Variants in PHIP observed in about 807,000 individuals in gnomAD.
PHIP encodes PH-interacting protein.
A neutral mutation model predicts 236.8 loss-of-function variants in PHIP; 54 were observed. That is an observed-to-expected ratio of 0.23 (90% CI 0.18 to 0.29). The LOEUF (loss-of-function observed/expected upper bound fraction) is 0.29, where lower values mean the gene tolerates loss of function less well. PHIP is among the 10% of genes least tolerant of loss of function. PHIP has a pLI of 1.00. For missense variants in PHIP, 1,370 were observed against 2,190.8 expected (o/e 0.63, Z 7.48); for synonymous variants, 756 against 718.9 (o/e 1.05, Z -0.83).
chr6:79,043,499 T>G (rs1772327256), intron 6 of PHIP, among the ~76,000 whole-genome samples: 1 of 152,134 alleles, frequency 6.6e-6, no homozygotes, highest in Non-Finnish European at 1.5e-5. Context: ...GATAAAGGAA[T>G]ACGTCATTTG....
At chr6:78,982,110 A>T (rs1037089380) in intron 23 of PHIP, among the ~76,000 whole-genome samples, 8 of 152,056 alleles carry the variant, frequency 5.3e-5, no homozygotes, top group African/African-American at 1.9e-4. Flanking sequence ...GTTACAAAAA[A>T]ATCTTCCTTT....
rs566275149 is a variant in PHIP at position 79,041,851 on chromosome 6, T to C, written c.600+992A>G. On this transcript the variant is annotated intron_variant, in intron 7 of 39. Transcript: ENST00000275034. ...GGAAAAGAAAAGTATAAAAATGCAT[T>C]CCTACATCCTGCTATTTAGCTGTTT... Among the ~76,000 whole-genome samples, 3 of 152,132 alleles carry C rather than the reference T, an allele frequency of 2.0e-5. No individual in the cohort carries two copies. In the South Asian group the frequency reaches 6.2e-4, roughly 32 times the overall value.
At chr6:79,025,717 T>C (rs930983841) in intron 8 of PHIP, 98 bp from the exon 9 acceptor site, 14 of 810,626 alleles carry the variant, frequency 1.7e-5, no homozygotes, top group Non-Finnish European at 2.9e-5. Context: ...CAACAACAGT[T>C]AGAAAATGGC....
At chr6:79,005,011 G>A (rs1216737341) in intron 15 of PHIP, among the ~76,000 whole-genome samples, 1 of 151,996 alleles carries the variant, frequency 6.6e-6, no homozygotes, top group Non-Finnish European at 1.5e-5. Flanking sequence ...AAGAAAGCTA[G>A]CTTTTTCCTT....
intron 15 of PHIP, among the ~76,000 whole-genome samples, chr6:79,012,022 T>C (rs1003441196): frequency 2.0e-5 from 3 of 151,630 alleles, no homozygotes; most frequent in Non-Finnish European, 3.0e-5. Context: ...ATTTGAAAGT[T>C]CACCTTTTCA....
chr6:78,947,951 T>C (rs76736089), intron 35 of PHIP, among the ~76,000 whole-genome samples, 176 bp from the exon 36 acceptor site: 1 of 150,738 alleles, frequency 6.6e-6, no homozygotes, highest in African/African-American at 2.4e-5. Flanking sequence ...TATTTCATAC[T>C]CCCCCCCCTT....
chr6:78,973,276 T>C (rs1415160290), intron 24 of PHIP, among the ~76,000 whole-genome samples: 2 of 151,308 alleles, frequency 1.3e-5, no homozygotes, highest in Non-Finnish European at 2.9e-5. Flanking sequence ...CCAGCCAAAG[T>C]AAGCTTCATA....
chr6:78,963,790 G>A (rs2127699690), intron 29 of PHIP, among the ~76,000 whole-genome samples: 1 of 152,256 alleles, frequency 6.6e-6, no homozygotes, highest in Admixed American at 6.5e-5. Flanking sequence ...ATCACTAGAG[G>A]GTTGCGGTAA....
At chr6:79,064,185 G>A (rs1011505636) in intron 4 of PHIP, among the ~76,000 whole-genome samples, 1 of 151,992 alleles carries the variant, frequency 6.6e-6, no homozygotes, top group African/African-American at 2.4e-5. Flanking sequence ...TTCTCTGACT[G>A]CACGGAAATC....
chr6:79,019,280 C>A, intron 9 of PHIP, 121 bp from the exon 10 acceptor site: 1 of 657,656 alleles, frequency 1.5e-6, no homozygotes, highest in Non-Finnish European at 2.7e-6. Flanking sequence ...GGCTCCCTTC[C>A]TAAAAACAAC....
At chr6:79,020,186 A>G (rs1771045693) in intron 9 of PHIP, among the ~76,000 whole-genome samples, 1 of 152,180 alleles carries the variant, frequency 6.6e-6, no homozygotes, top group East Asian at 1.9e-4. Flanking sequence ...AAAGCTTTTT[A>G]CCATTAAAAT....
At chr6:79,002,774 T>A (rs1157707693) in intron 16 of PHIP, among the ~76,000 whole-genome samples, 1 of 152,030 alleles carries the variant, frequency 6.6e-6, no homozygotes, top group East Asian at 1.9e-4. Context: ...CATAAATCAT[T>A]CAACAGTATT....
chr6:79,070,743 G>A (rs984996382), intron 4 of PHIP, among the ~76,000 whole-genome samples: 16 of 152,078 alleles, frequency 1.1e-4, no homozygotes, highest in Non-Finnish European at 5.9e-5. Context: ...CAGTATTTTC[G>A]TATAACCTTT....
intron 18 of PHIP, among the ~76,000 whole-genome samples, chr6:78,997,889 A>T (rs571932605): frequency 6.6e-6 from 1 of 152,306 alleles, no homozygotes; most frequent in South Asian, 2.1e-4. Flanking sequence ...AAACTTCATA[A>T]GAAGCAAACT....
chr6:79,035,151 C>A (rs9343861), intron 7 of PHIP, among the ~76,000 whole-genome samples: 50,268 of 151,936 alleles, frequency 0.33, 9,823 homozygotes, highest in East Asian at 0.69. Context: ...TCCAGACCTC[C>A]CCTTTCCTTC....
At position 79,060,564 on chromosome 6, in the gene PHIP, A is replaced by C; in HGVS notation, c.353T>G (p.Val118Gly). ...LLRTNKSCKH[V>G]VWKGSALAAL... The stretch of plus-strand genomic sequence containing the variant: ...AGCCAGAGCAGATCCTTTCCACACA[A>C]CATGCTTGCAGCCTATTAAACACAT... The change falls in exon 6 of 40, where the codon GTT (valine) becomes GGT (glycine). Residue 118 changes from valine to glycine, a missense_variant. Coordinates refer to ENST00000275034, the MANE Select transcript of PHIP (RefSeq NM_017934.7). The C allele has an allele frequency of 6.2e-7, 1 of 1,613,708 alleles. No individual in the cohort carries two copies. The highest frequency in any genetic ancestry group is 8.5e-7 in the Non-Finnish European group (1 of 1,179,790).
At chr6:78,988,615 G>T (rs1441693841) in intron 20 of PHIP, among the ~76,000 whole-genome samples, 1 of 151,936 alleles carries the variant, frequency 6.6e-6, no homozygotes, top group Non-Finnish European at 1.5e-5. Context: ...TCATATTTAA[G>T]ATATCACTTA....
intron 7 of PHIP, among the ~76,000 whole-genome samples, chr6:79,030,197 C>T (rs561342952): frequency 2.6e-5 from 4 of 151,644 alleles, no homozygotes; most frequent in African/African-American, 9.7e-5. Context: ...GAACAACAAG[C>T]GAATGAACTA....
At chr6:78,974,389 A>G (rs1328168368) in intron 24 of PHIP, among the ~76,000 whole-genome samples, 1 of 151,906 alleles carries the variant, frequency 6.6e-6, no homozygotes, top group African/African-American at 2.4e-5. Context: ...GTGTAGAGGG[A>G]AATTTATAGC....
Sources: gnomAD v4.1 joint callset for allele counts (sites outside exome capture counted in the v4.1 genomes callset) on GRCh38, gnomAD v4.1.1 for gene constraint, MANE v1.5 for transcripts, NCBI Gene and HGNC (gene_info 2026-07-23, HGNC 2026-07-21) for gene names.